Variants in KIF15 observed in about 807,000 individuals in gnomAD.
The protein encoded by KIF15 is kinesin-like protein KIF15.
KIF15 carries 140 observed loss-of-function variants against 190.6 expected under a neutral mutation model. The observed-to-expected ratio is 0.73, with a 90% CI of 0.64 to 0.84. The LOEUF (loss-of-function observed/expected upper bound fraction) is 0.84. Among genes scored for constraint, KIF15 ranks in the 40% least tolerant of loss-of-function variants. KIF15 has a pLI of 0.00. For synonymous variants in KIF15, 528 were observed against 551.3 expected (o/e 0.96, Z 0.59); for missense variants, 1,372 against 1,584.4 (o/e 0.87, Z 2.28).
At chr3:44,845,149 A>G (rs1028609804) in intron 30 of KIF15, among the ~76,000 whole-genome samples, 1 of 152,240 alleles carries the variant, frequency 6.6e-6, no homozygotes, top group Non-Finnish European at 1.5e-5. Flanking sequence ...GAAATACCGT[A>G]AAGTACATAG....
chr3:44,775,403 C>G lies in KIF15; in HGVS notation c.212C>G (p.Thr71Arg), dbSNP rs375356443. The change falls in exon 3 of 35, where the codon ACG becomes AGG. Residue 71 changes from threonine (T) to arginine (R), a missense_variant. Physicochemically the swap from Thr to Arg is moderately conservative, Grantham distance 71 (BLOSUM62 -1). Coordinates refer to ENST00000326047, the MANE Select transcript of KIF15 (RefSeq NM_020242.3). ...LHSNPEPKTF[T>R]FDHVADVDTT... ...TCCAACCCTGAGCCCAAGACCTTCA[C>G]GTTTGATCATGTTGCAGATGTGGAT... is the stretch of plus-strand genomic sequence containing the variant. 6.2e-7 allele frequency: 1 copy of G among 1,612,958 alleles called. No homozygotes were observed.
intron 26 of KIF15, among the ~76,000 whole-genome samples, chr3:44,837,000 G>A (rs775283606): frequency 6.6e-6 from 1 of 152,224 alleles, no homozygotes; most frequent in African/African-American, 2.4e-5. Flanking sequence ...GTAAGTTTCA[G>A]TTCCTTGATC....
chr3:44,767,347 T>C (rs976379084), intron 1 of KIF15, among the ~76,000 whole-genome samples: 2 of 152,132 alleles, frequency 1.3e-5, no homozygotes, highest in Non-Finnish European at 2.9e-5. Flanking sequence ...CAAGAAGTTG[T>C]TGGATTGTGG....
intron 7 of KIF15, among the ~76,000 whole-genome samples, chr3:44,790,124 A>G (rs1297013369): frequency 6.6e-6 from 1 of 152,154 alleles, no homozygotes; most frequent in Non-Finnish European, 1.5e-5. Context: ...CTCACTGAGT[A>G]CTTTCATACT....
At chr3:44,863,593 G>A (rs904877552) in intron 6 of KIF15, 1 of 152,598 alleles carries the variant, frequency 6.6e-6, no homozygotes, top group Non-Finnish European at 1.5e-5. Context: ...CTTTAGGAAG[G>A]TTACTTAATG....
chr3:44,824,126 TC>T (rs1207931391), intron 20 of KIF15, among the ~76,000 whole-genome samples: 1 of 152,210 alleles, frequency 6.6e-6, no homozygotes, highest in Non-Finnish European at 1.5e-5. Context: ...CTGCAGCTCT[TC>T]CTGTTTGGCC....
intron 18 of KIF15, 96 bp downstream of exon 18, chr3:44,812,385 T>C (rs1707824536): frequency 2.4e-6 from 2 of 821,808 alleles, no homozygotes; most frequent in Non-Finnish European, 4.1e-6. Flanking sequence ...TCCTTGAGTA[T>C]GCATGAAACA....
At chr3:44,854,211 C>T (rs1221731775), downstream of KIF15, among the ~76,000 whole-genome samples, 1 of 151,992 alleles carries the variant, frequency 6.6e-6, no homozygotes, top group Non-Finnish European at 1.5e-5. Flanking sequence ...ATGGCAAAAC[C>T]CCATCTCTAC....
chr3:44,792,736 CG>C (rs1706776661), intron 7 of KIF15, among the ~76,000 whole-genome samples: 2 of 151,938 alleles, frequency 1.3e-5, no homozygotes, highest in African/African-American at 4.8e-5. Flanking sequence ...TTAGCGGAGA[CG>C]GGGTTTCACC....
chr3:44,803,093 C>T, intron 14 of KIF15, 102 bp downstream of exon 14: 1 of 950,782 alleles, frequency 1.1e-6, no homozygotes, highest in Non-Finnish European at 1.5e-6. Context: ...GCCTCCAGGC[C>T]TGCTATGCTA....
In KIF15 at chr3:44,805,056, A is replaced by G. The variant is rs747045378; in HGVS notation, c.1717A>G (p.Lys573Glu). 6.2e-7 allele frequency: 1 copy of G among 1,613,948 alleles called. No individual in the cohort carries two copies. The highest frequency in any genetic ancestry group is 8.5e-7 in the Non-Finnish European group (1 of 1,179,958). Residue 573 changes from lysine to glutamate, a missense_variant, in exon 15 of 35, where the codon AAA (lysine) becomes GAA (glutamate). Lys to Glu is a moderately conservative substitution (Grantham distance 56, BLOSUM62 1). Coordinates refer to ENST00000326047, the MANE Select transcript of KIF15 (RefSeq NM_020242.3). ...GCAAGGATTTTCACCTAAAGCTCAG[A>G]AAGAGCCATGTTTGTTTGCAAACAC... is the stretch of plus-strand genomic sequence containing the variant. ...NQQGFSPKAQ[K>E]EPCLFANTEK...
At chr3:44,817,589 C>T (rs1404179643) in intron 20 of KIF15, among the ~76,000 whole-genome samples, 2 of 152,090 alleles carry the variant, frequency 1.3e-5, no homozygotes, top group Non-Finnish European at 2.9e-5. Context: ...TGTTCTGTTC[C>T]GTTGGTCTAT....
Position 44,831,011 on chromosome 3 carries a change from A to G in KIF15, c.3164A>G (p.Asp1055Gly), listed in dbSNP as rs1411197285. Reference protein sequence around the residue: ...ETLRLRILSEDIERDMLCEDL... With the variant: ...ETLRLRILSEGIERDMLCEDL... ...CTTAGGCTGAGAATACTTTCTGAGG[A>G]CATAGAGGTAGGTATTAACGCATCA... is the stretch of plus-strand genomic sequence containing the variant. The change falls in exon 26 of 35, where the codon GAC becomes GGC. Residue 1055 changes from aspartate (D) to glycine (G), a missense_variant. By Grantham distance (94) the Asp-to-Gly change is moderately conservative. Coordinates refer to ENST00000326047, the MANE Select transcript of KIF15 (RefSeq NM_020242.3). 3.7e-6 allele frequency: 6 copies of G among 1,613,862 alleles called. No homozygotes were observed. The highest frequency in any genetic ancestry group is 5.1e-6 in the Non-Finnish European group (6 of 1,179,922).
chr3:44,781,564 A>G (rs914447408), intron 5 of KIF15, among the ~76,000 whole-genome samples: 1 of 152,204 alleles, frequency 6.6e-6, no homozygotes, highest in African/African-American at 2.4e-5. Flanking sequence ...TATGTTGGAT[A>G]TGTATCCAGG....
rs555131092 is a variant in KIF15 at position 44,824,241 on chromosome 3, A to G, written c.2550-1798A>G. Among the ~76,000 whole-genome samples the G allele has an allele frequency of 1.9e-3, 296 of 152,362 alleles. 2 individuals carry two copies. Among genetic ancestry groups the G allele is most frequent in the Middle Eastern group, 0.017 (5 of 294 alleles). On this transcript the variant is annotated intron_variant, in intron 20 of 34. Coordinates refer to ENST00000326047, the MANE Select transcript of KIF15 (RefSeq NM_020242.3). ...ATTGAGTGTTTTATTATAAAAATCT[A>G]TATTTCAGCATTCTCTAGCAAAGTC...
At chr3:44,773,904 G>T (rs2125901485) in intron 1 of KIF15, among the ~76,000 whole-genome samples, 1 of 152,180 alleles carries the variant, frequency 6.6e-6, no homozygotes, top group Middle Eastern at 3.4e-3. Flanking sequence ...CGCTCTCAAT[G>T]AAAAAAGGAG....
chr3:44,840,962 C>T, intron 28 of KIF15, 112 bp from the exon 29 acceptor site: 1 of 1,046,076 alleles, frequency 9.6e-7, no homozygotes, highest in Non-Finnish European at 1.4e-6. Flanking sequence ...GTGTGAGCCA[C>T]CATGCCCAGC....
rs3804584 is a variant in KIF15, at chr3:44,843,000, T to C, written c.3586-125T>C. The C allele has an allele frequency of 1.0e-3, 654 of 626,376 alleles. 2 individuals are homozygous for C. In the East Asian group the frequency reaches 0.015, roughly 14 times the overall value. The allele number at this position is 626,376 out of a possible 1,614,324, so 38.8% of individuals were successfully genotyped here. On this transcript the variant is annotated intron_variant, in intron 29 of 34. Transcript: ENST00000326047. Reference sequence around the variant, plus strand: ...TCACAGTCTGCTTTTCATGCAGCAATACCCAGTGCAGTGTCTCTGCATAGG... The same window carrying C: ...TCACAGTCTGCTTTTCATGCAGCAACACCCAGTGCAGTGTCTCTGCATAGG...
At chr3:44,796,154 C>T (rs1559541014) in intron 8 of KIF15, among the ~76,000 whole-genome samples, 1 of 152,198 alleles carries the variant, frequency 6.6e-6, no homozygotes, top group South Asian at 2.1e-4. Context: ...TTAGCCACCA[C>T]GCCCAGCCTA....
Sources: allele counts gnomAD v4.1 joint callset (sites outside exome capture counted in the v4.1 genomes callset), GRCh38; gene constraint gnomAD v4.1.1; transcripts MANE v1.5; gene names NCBI Gene and HGNC (gene_info 2026-07-23, HGNC 2026-07-21).